The following TXNDC9 variants were observed in gnomAD, a reference collection of about 807,000 sequenced individuals.
The protein encoded by TXNDC9 is thioredoxin domain containing 9.
Under a neutral mutation model 23.0 loss-of-function variants are expected in TXNDC9, and 7 were observed. That is an observed-to-expected ratio of 0.30 (90% confidence interval 0.17 to 0.57). The LOEUF is 0.57. Ranked by LOEUF, TXNDC9 falls within the 20% of genes least tolerant of loss-of-function variation. The pLI is 0.90. For missense variants in TXNDC9, 198 were observed against 252.6 expected, an observed-to-expected ratio of 0.78 and a Z score of 1.47; for synonymous variants, 72 against 90.6, an observed-to-expected ratio of 0.79 and a Z score of 1.17.
At chr2:99,317,056 TA>T (rs921766185), downstream of TXNDC9, among the ~76,000 whole-genome samples, 24 of 152,324 alleles carry the variant, frequency 1.6e-4, no homozygotes, top group African/African-American at 5.8e-4. Context: ...GCGCCCAGCC[TA>T]TTTGGCCCTT....
intron 2 of TXNDC9, among the ~76,000 whole-genome samples, chr2:99,329,310 C>T (rs1196775350): frequency 6.6e-6 from 1 of 152,136 alleles, no homozygotes; most frequent in African/African-American, 2.4e-5. Flanking sequence ...TTTAACTGTT[C>T]TCATATGAAA....
downstream of TXNDC9, among the ~76,000 whole-genome samples, chr2:99,314,063 G>A (rs759578169): frequency 2.6e-5 from 4 of 152,062 alleles, no homozygotes; most frequent in African/African-American, 4.8e-5. Context: ...TAAAGTTTTT[G>A]GTTTTTGGTA....
the TXNDC9 span, among the ~76,000 whole-genome samples, chr2:99,309,187 G>T: frequency 1.4e-5 from 2 of 147,898 alleles, no homozygotes; most frequent in South Asian, 4.3e-4. Flanking sequence ...AGCCTGGCCC[G>T]CATGACGAAA....
chr2:99,311,269 A>G, the TXNDC9 span, among the ~76,000 whole-genome samples: 1 of 152,018 alleles, frequency 6.6e-6, no homozygotes, highest in Non-Finnish European at 1.5e-5. Context: ...GGGTCTTCCT[A>G]TGTGGCCCAG....
chr2:99,322,146 C>G lies in TXNDC9; in HGVS notation c.372G>C (p.Leu124Phe), dbSNP rs1416377110. 3 of 1,614,120 alleles carry G rather than the reference C, an allele frequency of 1.9e-6. No homozygotes were observed. In the South Asian group the frequency reaches 3.3e-5, roughly 18 times the overall value. Residue 124 changes from leucine (L) to phenylalanine (F), a missense_variant, in exon 4 of 5, where the codon TTG becomes TTC. Physicochemically the swap from Leu to Phe is conservative, Grantham distance 22. Coordinates refer to ENST00000264255, the MANE Select transcript of TXNDC9 (RefSeq NM_005783.4). ...AAGGTGCTTTTTCCACATTCAGCTTCAAAAATTTGGTCTCGAGGTGTTTCT... is the reference window on the plus strand; with the variant it reads ...AAGGTGCTTTTTCCACATTCAGCTTGAAAAATTTGGTCTCGAGGTGTTTCT... ...LSKKHLETKFLKLNVEKAPFL... is the reference protein window; with the variant it reads ...LSKKHLETKFFKLNVEKAPFL...
At position 99,328,762 on chromosome 2, in the gene TXNDC9, G is replaced by A. The variant is rs371504565; in HGVS notation, c.190-1109C>T. ...AGGCTGAGGCGGCTGGATCACCTGAGGTCAGGAGTTCCAGACTAGCCTCGC... is the reference window on the plus strand; with the variant it reads ...AGGCTGAGGCGGCTGGATCACCTGAAGTCAGGAGTTCCAGACTAGCCTCGC... On this transcript the variant is annotated intron_variant, in intron 2 of 4. Transcript: ENST00000264255. Among the ~76,000 whole-genome samples the A allele has an allele frequency of 3.9e-4, 59 of 151,522 alleles. No individual in the cohort carries two copies. In the South Asian group the frequency reaches 5.2e-3, roughly 13 times the overall value.
intron 2 of TXNDC9, among the ~76,000 whole-genome samples, chr2:99,329,966 CAA>C (rs70940164): frequency 7.0e-6 from 1 of 143,876 alleles, no homozygotes. Flanking sequence ...GACCCTGTCT[CAA>C]AAAAAAAAGT....
chr2:99,317,035 C>T (rs947928186), downstream of TXNDC9, among the ~76,000 whole-genome samples: 2 of 152,164 alleles, frequency 1.3e-5, no homozygotes, highest in South Asian at 4.1e-4. Context: ...GGATTACAGG[C>T]GTGAGCTACC....
chr2:99,310,518 G>A, the TXNDC9 span, among the ~76,000 whole-genome samples: 1 of 152,186 alleles, frequency 6.6e-6, no homozygotes, highest in South Asian at 2.1e-4. Flanking sequence ...AATCACTAAT[G>A]TGATTCCAGC....
At chr2:99,317,278 T>C (rs2094191438), downstream of TXNDC9, among the ~76,000 whole-genome samples, 1 of 152,226 alleles carries the variant, frequency 6.6e-6, no homozygotes, top group African/African-American at 2.4e-5. Context: ...TCTGTATGTC[T>C]TGTAGTTTGT....
chr2:99,321,086 CTTTA>C (rs1312774674), intron 4 of TXNDC9: 1 of 151,666 alleles, frequency 6.6e-6, no homozygotes, highest in Non-Finnish European at 1.5e-5. Context: ...AAATATATAA[CTTTA>C]TTTAATAAAT....
intron 3 of TXNDC9, among the ~76,000 whole-genome samples, chr2:99,324,397 T>C (rs2094209008): frequency 6.6e-6 from 1 of 152,206 alleles, no homozygotes; most frequent in South Asian, 2.1e-4. Context: ...GGATATGTTT[T>C]TTCATATGTT....
chr2:99,330,319 A>AAAAAAAAAAAAAAAG, intron 2 of TXNDC9, among the ~76,000 whole-genome samples: 1 of 145,002 alleles, frequency 6.9e-6, no homozygotes, highest in Non-Finnish European at 1.5e-5. Context: ...AAAAAAAAAA[A>AAAAAAAAAAAAAAAG]GCTGCTATTT....
At chr2:99,327,764 A>C (rs2094215893) in intron 2 of TXNDC9, 111 bp from the exon 3 acceptor site, 1 of 683,600 alleles carries the variant, frequency 1.5e-6, no homozygotes, top group East Asian at 3.0e-5. Context: ...TCAATTAAAA[A>C]AAAAAGTTTT....
At chr2:99,318,684 T>C (rs1464018903), downstream of TXNDC9, among the ~76,000 whole-genome samples, 3 of 152,196 alleles carry the variant, frequency 2.0e-5, no homozygotes, top group African/African-American at 7.2e-5. Context: ...CTTCATCCTA[T>C]GAGTAAGCTG....
chr2:99,310,068 A>G, the TXNDC9 span, among the ~76,000 whole-genome samples: 2 of 152,212 alleles, frequency 1.3e-5, no homozygotes, highest in Admixed American at 6.5e-5. Flanking sequence ...TGTTGTGATG[A>G]TTACTCAAAA....
rs1364225863 is a variant in TXNDC9, at chr2:99,322,277, A to G, written c.309-68T>C. The G allele has an allele frequency of 5.9e-6, 9 of 1,531,626 alleles. No homozygotes were observed. In the East Asian group the frequency reaches 9.1e-5, roughly 15 times the overall value. The allele number at this position is 1,531,626 out of a possible 1,614,324, so 94.9% of individuals were successfully genotyped here. ...GATCGCTTTTTTCAAAATAAATATC[A>G]TCAAGGGAAATCTAATTATGTAGTT... is the stretch of plus-strand genomic sequence containing the variant. On this transcript the variant is annotated intron_variant, in intron 3 of 4. Coordinates refer to ENST00000264255, the MANE Select transcript of TXNDC9 (RefSeq NM_005783.4).
At chr2:99,327,736 T>A in intron 2 of TXNDC9, 83 bp from the exon 3 acceptor site, 1 of 763,536 alleles carries the variant, frequency 1.3e-6, no homozygotes, top group Non-Finnish European at 2.1e-6. Context: ...CAAATCACCA[T>A]CGTATTTTGT....
the TXNDC9 span, among the ~76,000 whole-genome samples, chr2:99,311,173 G>A: frequency 3.3e-5 from 5 of 152,120 alleles, no homozygotes; most frequent in Non-Finnish European, 5.9e-5. Flanking sequence ...CTACAGGTGT[G>A]TGCCACCACA....
Sources: gnomAD v4.1 joint callset for allele counts (sites outside exome capture counted in the v4.1 genomes callset) on GRCh38, gnomAD v4.1.1 for gene constraint, MANE v1.5 for transcripts, NCBI Gene and HGNC (gene_info 2026-07-23, HGNC 2026-07-21) for gene names.